SRSF2: variants seen among roughly 807,000 people sequenced by gnomAD.
The protein encoded by SRSF2 is serine and arginine rich splicing factor 2, also known as serine/arginine-rich splicing factor 2.
SRSF2 carries 4 observed loss-of-function variants against 15.7 expected under a neutral mutation model. The observed-to-expected ratio is 0.26, with a 90% confidence interval of 0.13 to 0.58. SRSF2 has a LOEUF of 0.58. Among genes scored for constraint, SRSF2 ranks in the 20% least tolerant of loss-of-function variants. The pLI is 0.90. For missense variants in SRSF2, 147 were observed against 332.4 expected, an observed-to-expected ratio of 0.44 and a Z score of 4.34; for synonymous variants, 192 against 138.9, an observed-to-expected ratio of 1.38 and a Z score of -2.69.
In SRSF2 at chr17:76,736,658, G is replaced by T. The variant is rs953194620; in HGVS notation, c.362+141C>A. 6 of 1,197,270 alleles carry T rather than the reference G, an allele frequency of 5.0e-6. No individual in the cohort carries two copies. The Admixed American group carries it at 2.5e-4, about 50-fold the overall frequency. 74.2% of individuals were successfully genotyped at this position (1,197,270 alleles called of 1,614,324 possible). A position where few individuals can be genotyped will look rare whatever the true frequency, so the allele number is the denominator to read the frequency against. ...CGCAGACGGCGGAAGCTCGCGGGGT[G>T]GCCGGAGGGTCGCGAGACGCGGCGT... On this transcript the variant is annotated intron_variant, in intron 1 of 2. Coordinates refer to ENST00000359995, the MANE Select transcript of SRSF2 (RefSeq NM_001195427.2).
At chr17:76,735,777 C>T (rs2077435242) in intron 2 of SRSF2, 2 of 383,214 alleles carry the variant, frequency 5.2e-6, no homozygotes, top group Non-Finnish European at 5.0e-6. Flanking sequence ...CAAACCTGCT[C>T]CAATACACGC....
At chr17:76,737,393 C>A, upstream of SRSF2, 1 of 494,498 alleles carries the variant, frequency 2.0e-6, no homozygotes, top group Non-Finnish European at 3.5e-6. Flanking sequence ...GCCCGCGCCA[C>A]CCGGAAATGA....
Position 76,736,999 on chromosome 17 carries a change from G to A in SRSF2, c.162C>T (p.Ser54=), listed in dbSNP as rs773650940. Reference sequence around the variant, plus strand: ...GAAAGCGAACGAAGGCGAAGCCGCGGGACTCCTTGGTGTAGCGGTCCCGCG... The same window carrying A: ...GAAAGCGAACGAAGGCGAAGCCGCGAGACTCCTTGGTGTAGCGGTCCCGCG... ...YIPRDRYTKE[S]RGFAFVRFHD... The change falls in exon 1 of 3, where the codon TCC becomes TCT. Residue 54 remains serine (S), a synonymous_variant. Transcript: ENST00000359995. The A allele has an allele frequency of 6.8e-6, 11 of 1,613,368 alleles. No individual in the cohort carries two copies. The highest frequency in any genetic ancestry group is 9.3e-6 in the Non-Finnish European group (11 of 1,179,920).
Position 76,737,182 on chromosome 17 carries a change from G to A in SRSF2, c.-22C>T. ...TCATAGCTCTGAGTGGCGGCCCGGA[G>A]CCCCGCGAACTGGCGCCGGCTTCCT... On this transcript the variant is annotated 5_prime_UTR_variant, in exon 1 of 3. Coordinates refer to ENST00000359995, the MANE Select transcript of SRSF2 (RefSeq NM_001195427.2). The A allele has an allele frequency of 1.3e-6, 2 of 1,528,710 alleles. No individual in the cohort carries two copies. Among genetic ancestry groups the A allele is most frequent in the Non-Finnish European group, 1.8e-6 (2 of 1,132,110 alleles). The allele number at this position is 1,528,710 out of a possible 1,614,324, so 94.7% of individuals were successfully genotyped here. A position where few individuals can be genotyped will look rare whatever the true frequency, so the allele number is the denominator to read the frequency against.
rs1388646962 is a variant in SRSF2 at position 76,734,657 on chromosome 17, TACAA to T, written c.*505_*508del. On this transcript the variant is annotated 3_prime_UTR_variant, in exon 3 of 3. Coordinates refer to ENST00000359995, the MANE Select transcript of SRSF2 (RefSeq NM_001195427.2). Reference sequence around the variant, plus strand: ...AGTCTTTTCACCTGAAAAGTCTTTATACAAATTTGGGTTCAGATTACCATTTAGA... The same window carrying T: ...AGTCTTTTCACCTGAAAAGTCTTTATATTTGGGTTCAGATTACCATTTAGA... 1 of 230,094 alleles carries T rather than the reference TACAA, an allele frequency of 4.3e-6. No individual in the cohort carries two copies. Among genetic ancestry groups the T allele is most frequent in the Non-Finnish European group, 8.8e-6 (1 of 113,388 alleles). The allele number at this position is 230,094 out of a possible 1,614,324, so 14.3% of individuals were successfully genotyped here. A position where few individuals can be genotyped will look rare whatever the true frequency, so the allele number is the denominator to read the frequency against.
chr17:76,734,363 G>A lies in SRSF2; in HGVS notation c.*803C>T, dbSNP rs943744573. 8 of 240,816 alleles carry A rather than the reference G, an allele frequency of 3.3e-5. No individual in the cohort carries two copies. The highest frequency in any genetic ancestry group is 1.1e-4 in the Admixed American group (2 of 17,562). The allele number at this position is 240,816 out of a possible 1,614,324, so 14.9% of individuals were successfully genotyped here. On this transcript the variant is annotated 3_prime_UTR_variant, in exon 3 of 3. Coordinates refer to ENST00000359995, the MANE Select transcript of SRSF2 (RefSeq NM_001195427.2). The stretch of plus-strand genomic sequence containing the variant: ...GCTAGATGTGCTCACTGTATGCTCC[G>A]TTATTTATATGCAAGGCCCGGGTGA...
chr17:76,736,508 GCGGGGCCGGCCCCGCC>G (rs1256801872), intron 1 of SRSF2, 44 bp from the exon 2 acceptor site: 1 of 1,585,556 alleles, frequency 6.3e-7, no homozygotes, highest in Middle Eastern at 1.7e-4. Context: ...ATTCCAGGCA[GCGGGGCCGGCCCCGCC>G]CGCGCGCTCC....
rs1289391142 is a variant in SRSF2, at chr17:76,737,113, G to A, written c.48C>T (p.Leu16=). 1.9e-6 allele frequency: 3 copies of A among 1,608,692 alleles called. No homozygotes were observed. The highest frequency in any genetic ancestry group is 2.5e-6 in the Non-Finnish European group (3 of 1,177,510). ...PPPDVEGMTS[L]KVDNLTYRTS... is the part of the protein sequence containing the mutation. The stretch of plus-strand genomic sequence containing the variant: ...TGCGGTAGGTCAGGTTGTCCACCTT[G>A]AGGGAGGTCATACCCTCCACATCGG... Residue 16 remains leucine (L), a synonymous_variant, in exon 1 of 3, where the codon CTC becomes CTT. Transcript: ENST00000359995.
intron 1 of SRSF2, 29 bp from the exon 2 acceptor site, chr17:76,736,493 G>C: frequency 6.2e-7 from 1 of 1,601,556 alleles, no homozygotes; most frequent in Non-Finnish European, 8.5e-7. Flanking sequence ...AGCACAGCGG[G>C]GTTAATTCCA....
At position 76,736,827 on chromosome 17, in the gene SRSF2, C is replaced by T. The variant is rs1211825234; in HGVS notation, c.334G>A (p.Gly112Ser). ...CGGCTCCGGCGTCCGTAGCCACCGC[C>T]CCCGTACCTGCGGGGTGGCGGTCCC... ...RRGPPPRRYG[G>S]GGYGRRSRSP... is the part of the protein sequence containing the mutation. Residue 112 changes from glycine to serine, a missense_variant, in exon 1 of 3, where the codon GGC becomes AGC. Physicochemically the swap from Gly to Ser is moderately conservative, Grantham distance 56. Around this residue, in one of 2 missense-constraint regions of SRSF2, gnomAD observed 125 missense variants for 185.1 expected, o/e 0.68. Coordinates refer to ENST00000359995, the MANE Select transcript of SRSF2 (RefSeq NM_001195427.2). 5 of 1,599,890 alleles carry T rather than the reference C, an allele frequency of 3.1e-6. No individual in the cohort carries two copies. Among genetic ancestry groups the T allele is most frequent in the African/African-American group, 1.3e-5 (1 of 74,672 alleles).
At chr17:76,736,545 G>A (rs750602613) in intron 1 of SRSF2, 81 bp from the exon 2 acceptor site, 99 of 1,448,610 alleles carry the variant, frequency 6.8e-5, no homozygotes, top group Non-Finnish European at 8.4e-5. Context: ...CGCCCAGGCC[G>A]CCATTATCTC....
chr17:76,734,222 A>G lies in SRSF2; in HGVS notation c.*944T>C, dbSNP rs2143893059. The G allele has an allele frequency of 4.5e-6, 1 of 222,596 alleles. No homozygotes were observed. The highest frequency in any genetic ancestry group is 2.2e-5 in the African/African-American group (1 of 44,838). The allele number at this position is 222,596 out of a possible 1,614,324, so 13.8% of individuals were successfully genotyped here. A position where few individuals can be genotyped will look rare whatever the true frequency, so the allele number is the denominator to read the frequency against. On this transcript the variant is annotated 3_prime_UTR_variant, in exon 3 of 3. Coordinates refer to ENST00000359995, the MANE Select transcript of SRSF2 (RefSeq NM_001195427.2). The stretch of plus-strand genomic sequence containing the variant: ...AAGATACACCATGTTATAAGTACTT[A>G]CAAAGTTACAACCATTTGCTTCCTT...
intron 2 of SRSF2, chr17:76,735,910 A>G (rs1299903390): frequency 1.7e-6 from 1 of 604,488 alleles, no homozygotes. Context: ...TTGGATAAAA[A>G]CAGCAAGAAA....
In SRSF2 at chr17:76,736,930, C is replaced by G; in HGVS notation, c.231G>C (p.Gly77=). Residue 77 remains glycine (G), a synonymous_variant, in exon 1 of 3, where the codon GGG becomes GGC. Transcript: ENST00000359995. ...DAEDAMDAMD[G]AVLDGRELRV... ...GCAGCTCGCGGCCGTCCAGCACGGC[C>G]CCGTCCATGGCATCCATAGCGTCCT... is the stretch of plus-strand genomic sequence containing the variant. 1 of 1,613,080 alleles carries G rather than the reference C, an allele frequency of 6.2e-7. No homozygotes were observed. The highest frequency in any genetic ancestry group is 8.5e-7 in the Non-Finnish European group (1 of 1,179,874).
Position 76,736,878 on chromosome 17 carries a change from G to A in SRSF2, c.283C>T (p.Pro95Ser), listed in dbSNP as rs752405402. 1 of 1,611,506 alleles carries A rather than the reference G, an allele frequency of 6.2e-7. No homozygotes were observed. Among genetic ancestry groups the A allele is most frequent in the Non-Finnish European group, 8.5e-7 (1 of 1,179,356 alleles). ...LRVQMARYGR[P>S]PDSHHSRRGP... Reference sequence around the variant, plus strand: ...CGGCGGCTGTGGTGTGAGTCCGGGGGGCGGCCGTAGCGCGCCATTTGCACC... The same window carrying A: ...CGGCGGCTGTGGTGTGAGTCCGGGGAGCGGCCGTAGCGCGCCATTTGCACC... The change falls in exon 1 of 3, where the codon CCC becomes TCC. Residue 95 changes from proline (P) to serine (S), a missense_variant. By Grantham distance (74) the Pro-to-Ser change is moderately conservative (BLOSUM62 -1). Around this residue, in one of 2 missense-constraint regions of SRSF2, gnomAD observed 125 missense variants for 185.1 expected, o/e 0.68. Coordinates refer to ENST00000359995, the MANE Select transcript of SRSF2 (RefSeq NM_001195427.2).
rs552667347 is a variant in SRSF2 at position 76,736,796 on chromosome 17, T to C, written c.362+3A>G. 1.9e-6 allele frequency: 3 copies of C among 1,550,608 alleles called. No individual in the cohort carries two copies. The highest frequency in any genetic ancestry group is 2.4e-5 in the South Asian group (2 of 83,782). On this transcript the variant is annotated splice_donor_region_variant and intron_variant, in intron 1 of 2. Coordinates refer to ENST00000359995, the MANE Select transcript of SRSF2 (RefSeq NM_001195427.2). ...CTCCCGCGGTCCCCTCAGCCCCGTT[T>C]ACCTGCGGCTCCGGCGTCCGTAGCC...
rs1051713309 is a variant in SRSF2, at chr17:76,737,327, C to T, written c.-167G>A. ...TCCGCAGGCTAGCGCACCTGAGTAA[C>T]AACTGGGCGGGCAGCCGGCCTCTGC... On this transcript the variant is annotated 5_prime_UTR_variant, in exon 1 of 3. Transcript: ENST00000359995. 5 of 900,442 alleles carry T rather than the reference C, an allele frequency of 5.6e-6. No individual in the cohort carries two copies. The highest frequency in any genetic ancestry group is 5.0e-5 in the African/African-American group (3 of 59,670). 55.8% of individuals were successfully genotyped at this position (900,442 alleles called of 1,614,324 possible).
chr17:76,736,603 G>A (rs2077494296), intron 1 of SRSF2, 139 bp from the exon 2 acceptor site: 1 of 1,191,832 alleles, frequency 8.4e-7, no homozygotes, highest in Non-Finnish European at 1.1e-6. Flanking sequence ...CCTCCGCCCC[G>A]CGCCGCCCAC....
At position 76,736,062 on chromosome 17, in the gene SRSF2, G is replaced by A. The variant is rs552779786; in HGVS notation, c.*7+92C>T. ...CCTCCGAGCAGCACTCCTAATGATA[G>A]GAGTCATTCTTACATTAACACGACT... is the stretch of plus-strand genomic sequence containing the variant. On this transcript the variant is annotated intron_variant, in intron 2 of 2. Transcript: ENST00000359995. 68 of 1,274,366 alleles carry A rather than the reference G, an allele frequency of 5.3e-5. No individual in the cohort carries two copies. The African/African-American group carries it at 8.3e-4, about 16-fold the overall frequency. 78.9% of individuals were successfully genotyped at this position (1,274,366 alleles called of 1,614,324 possible). A position where few individuals can be genotyped will look rare whatever the true frequency, so the allele number is the denominator to read the frequency against.
Sources: allele counts gnomAD v4.1 joint callset, GRCh38; gene constraint gnomAD v4.1.1; regional missense constraint gnomAD v4.1.1; transcripts MANE v1.5; gene names NCBI Gene and HGNC (gene_info 2026-07-23, HGNC 2026-07-21).